Variants in GRM7 observed in about 807,000 individuals in gnomAD.
GRM7 encodes the protein glutamate metabotropic receptor 7.
GRM7 carries 35 observed loss-of-function variants against 84.5 expected under a neutral mutation model. The observed-to-expected ratio is 0.41, with a 90% confidence interval of 0.32 to 0.55. The LOEUF is 0.55. Among genes scored for constraint, GRM7 ranks in the 20% least tolerant of loss-of-function variants. The pLI is 0.19. For synonymous variants in GRM7, 487 were observed against 455.1 expected (o/e 1.07, Z -0.89); for missense variants, 1,003 against 1,194.6 (o/e 0.84, Z 2.36).
intron 1 of GRM7, among the ~76,000 whole-genome samples, chr3:6,885,664 G>A (rs1383300838): frequency 6.6e-6 from 1 of 152,182 alleles, no homozygotes; most frequent in African/African-American, 2.4e-5. Context: ...TATTATAAGG[G>A]AGGTATTATG....
At chr3:7,688,698 C>A (rs886083280) in intron 9 of GRM7, among the ~76,000 whole-genome samples, 1 of 152,100 alleles carries the variant, frequency 6.6e-6, no homozygotes, top group Admixed American at 6.6e-5. Flanking sequence ...TTTGGGGAGA[C>A]AAGACAGTAA....
intron 1 of GRM7, among the ~76,000 whole-genome samples, chr3:7,042,028 A>T (rs1289393421): frequency 6.6e-6 from 1 of 152,178 alleles, no homozygotes; most frequent in Non-Finnish European, 1.5e-5. Context: ...GTATGCCTGG[A>T]AAGAACATGG....
At chr3:7,365,116 T>C (rs1693822418) in intron 4 of GRM7, among the ~76,000 whole-genome samples, 1 of 151,864 alleles carries the variant, frequency 6.6e-6, no homozygotes, top group Non-Finnish European at 1.5e-5. Context: ...TTTTCTGGTT[T>C]TTCTGTTGCC....
At chr3:7,229,998 C>T (rs1236087713) in intron 2 of GRM7, among the ~76,000 whole-genome samples, 2 of 150,566 alleles carry the variant, frequency 1.3e-5, no homozygotes, top group South Asian at 2.1e-4. Flanking sequence ...CACCACCACG[C>T]CTGGCTAATT....
intron 2 of GRM7, among the ~76,000 whole-genome samples, chr3:7,198,715 T>A (rs538111443): frequency 6.6e-6 from 1 of 152,278 alleles, no homozygotes; most frequent in East Asian, 1.9e-4. Flanking sequence ...GTACACAAAG[T>A]GAAAAACCGA....
intron 9 of GRM7, among the ~76,000 whole-genome samples, chr3:7,714,934 C>T (rs190328654): frequency 6.6e-6 from 1 of 152,320 alleles, no homozygotes; most frequent in Admixed American, 6.5e-5. Flanking sequence ...AATGAACAGT[C>T]ACCCATCTGG....
At chr3:7,435,166 T>C (rs1293968443) in intron 5 of GRM7, among the ~76,000 whole-genome samples, 1 of 149,188 alleles carries the variant, frequency 6.7e-6, no homozygotes, top group Non-Finnish European at 1.5e-5. Context: ...TATATTTTCT[T>C]TTTTTTTTTG....
chr3:7,470,726 A>G (rs1283586595), intron 7 of GRM7, among the ~76,000 whole-genome samples: 1 of 152,184 alleles, frequency 6.6e-6, no homozygotes, highest in Non-Finnish European at 1.5e-5. Context: ...TATATGAAAA[A>G]AGAAATACAA....
chr3:7,119,445 G>A (rs971956219), intron 1 of GRM7, among the ~76,000 whole-genome samples: 14 of 152,182 alleles, frequency 9.2e-5, no homozygotes, highest in African/African-American at 3.4e-4. Context: ...CACATGACTA[G>A]ATTCGTAGTC....
intron 4 of GRM7, among the ~76,000 whole-genome samples, chr3:7,359,873 T>C (rs1301913984): frequency 6.7e-6 from 1 of 148,354 alleles, no homozygotes; most frequent in Non-Finnish European, 1.5e-5. Context: ...GTCATTTCAT[T>C]TTAGGAATTG....
chr3:7,130,228 G>A (rs867034238), intron 1 of GRM7, among the ~76,000 whole-genome samples: 3 of 152,058 alleles, frequency 2.0e-5, no homozygotes, highest in Admixed American at 6.6e-5. Flanking sequence ...AAGTCCAGTC[G>A]AGATTTACCT....
chr3:7,487,130 G>C (rs147098024), intron 7 of GRM7, among the ~76,000 whole-genome samples: 7 of 152,272 alleles, frequency 4.6e-5, no homozygotes, highest in African/African-American at 1.7e-4. Context: ...AAGGCAGAAC[G>C]TAAGAGTGAT....
intron 8 of GRM7, 77 bp from the exon 9 acceptor site, chr3:7,679,972 T>G: frequency 8.7e-6 from 12 of 1,377,572 alleles, no homozygotes; most frequent in South Asian, 2.5e-5. Context: ...TAGTCGTTCT[T>G]GACATCGCTT....
intron 9 of GRM7, among the ~76,000 whole-genome samples, chr3:7,739,419 A>T (rs1702614905): frequency 6.6e-6 from 1 of 152,214 alleles, no homozygotes; most frequent in African/African-American, 2.4e-5. Context: ...AGTAAGCAAA[A>T]TAAGCCATCA....
chr3:7,665,369 G>C (rs1699652929), intron 8 of GRM7, among the ~76,000 whole-genome samples: 1 of 151,814 alleles, frequency 6.6e-6, no homozygotes, highest in Non-Finnish European at 1.5e-5. Context: ...TAGAGACGGG[G>C]TTTCACCGTG....
chr3:7,193,085 G>C (rs1278029142), intron 2 of GRM7, among the ~76,000 whole-genome samples: 1 of 151,984 alleles, frequency 6.6e-6, no homozygotes, highest in African/African-American at 2.4e-5. Flanking sequence ...TCCATGACTT[G>C]AACTACTACC....
intron 2 of GRM7, among the ~76,000 whole-genome samples, chr3:7,162,809 G>C (rs73014242): frequency 0.22 from 29,047 of 130,180 alleles, 3,432 homozygotes; most frequent in Middle Eastern, 0.36. Flanking sequence ...GCCCAGGCTG[G>C]AGTGCAGTGG....
intron 2 of GRM7, among the ~76,000 whole-genome samples, chr3:7,159,906 T>G (rs747502730): frequency 4.6e-5 from 7 of 152,124 alleles, no homozygotes; most frequent in Non-Finnish European, 1.0e-4. Context: ...TGCTTAAGCT[T>G]TGGTTTTAGA....
chr3:6,976,017 C>A (rs971744606), intron 1 of GRM7, among the ~76,000 whole-genome samples: 2 of 152,130 alleles, frequency 1.3e-5, no homozygotes, highest in African/African-American at 4.8e-5. Context: ...AGTGATTCTA[C>A]AATTTGGATT....
Sources: allele counts gnomAD v4.1 joint callset (sites outside exome capture counted in the v4.1 genomes callset), GRCh38; gene constraint gnomAD v4.1.1; transcripts MANE v1.5; gene names NCBI Gene and HGNC (gene_info 2026-07-23, HGNC 2026-07-21).